Variants in CPE observed in about 807,000 individuals in gnomAD.
CPE encodes carboxypeptidase E.
Under a neutral mutation model 53.5 loss-of-function variants are expected in CPE, and 17 were observed. That is an observed-to-expected ratio of 0.32 (90% confidence interval 0.22 to 0.48). The LOEUF (loss-of-function observed/expected upper bound fraction) is 0.48. CPE is among the 20% of genes least tolerant of loss of function. CPE has a pLI of 0.99. For synonymous variants in CPE, 226 were observed against 228.8 expected (o/e 0.99, Z 0.11); for missense variants, 524 against 614.7 (o/e 0.85, Z 1.56).
chr4:165,425,145 T>C (rs1439099759), intron 1 of CPE, among the ~76,000 whole-genome samples: 1 of 152,122 alleles, frequency 6.6e-6, no homozygotes, highest in Non-Finnish European at 1.5e-5. Flanking sequence ...CCCAAAGTGC[T>C]GAGATTACCA....
intron 3 of CPE, among the ~76,000 whole-genome samples, chr4:165,479,991 CAA>C (rs80059796): frequency 3.6e-4 from 23 of 63,774 alleles, no homozygotes; most frequent in African/African-American, 7.6e-4. Context: ...GACTCCGCCT[CAA>C]AAAAAAAAAA....
intron 1 of CPE, among the ~76,000 whole-genome samples, chr4:165,418,679 T>C (rs751158188): frequency 4.6e-5 from 7 of 152,190 alleles, no homozygotes; most frequent in Non-Finnish European, 1.0e-4. Context: ...TCTTTCCACA[T>C]TTTTGATGTA....
intron 1 of CPE, among the ~76,000 whole-genome samples, chr4:165,403,782 A>C (rs1318761169): frequency 6.6e-6 from 1 of 151,880 alleles, no homozygotes; most frequent in African/African-American, 2.4e-5. Context: ...ACAGGCAAAG[A>C]GATGGCTCCA....
At chr4:165,404,546 C>A in intron 1 of CPE, 1 of 898,054 alleles carries the variant, frequency 1.1e-6, no homozygotes, top group Non-Finnish European at 1.9e-6. Flanking sequence ...AAAGGCTTTG[C>A]CCAGATCTTT....
intron 1 of CPE, among the ~76,000 whole-genome samples, chr4:165,422,098 A>G (rs938771239): frequency 2.0e-5 from 3 of 152,170 alleles, no homozygotes; most frequent in Non-Finnish European, 2.9e-5. Context: ...AGTTTATTCA[A>G]TGATTAAAAG....
chr4:165,486,373 T>C (rs1732505320), intron 5 of CPE, among the ~76,000 whole-genome samples: 1 of 152,200 alleles, frequency 6.6e-6, no homozygotes, highest in Non-Finnish European at 1.5e-5. Context: ...TTTGGTGCTA[T>C]TTGAAGTATT....
chr4:165,437,438 G>T (rs997610909), intron 1 of CPE, among the ~76,000 whole-genome samples: 3 of 152,096 alleles, frequency 2.0e-5, no homozygotes, highest in Non-Finnish European at 4.4e-5. Context: ...CTGCAACTGA[G>T]TTTCTTGTTG....
Position 165,437,904 on chromosome 4 carries a change from C to T in CPE, c.308-26486C>T, listed in dbSNP as rs375089114. ...AGAGGAGACAGAGCATGGTGTGTGA[C>T]GAGCTGCTGATAATTTAACATTGCT... On this transcript the variant is annotated intron_variant, in intron 1 of 8. Transcript: ENST00000402744. 5.9e-5 allele frequency among the ~76,000 whole-genome samples: 9 copies of T among 152,152 alleles called. No individual in the cohort carries two copies. The East Asian group carries it at 1.2e-3, about 20-fold the overall frequency.
At chr4:165,441,952 T>C (rs76909285) in intron 1 of CPE, among the ~76,000 whole-genome samples, 6,042 of 152,104 alleles carry the variant, frequency 0.04, 388 homozygotes, top group African/African-American at 0.13. Context: ...TTTAAATAAC[T>C]TTTTGGGTTT....
chr4:165,461,182 A>AAGAAAG lies in CPE; in HGVS notation c.308-3207_308-3206insGAAAGA, dbSNP rs1560889028. Among the ~76,000 whole-genome samples the AAGAAAG allele has an allele frequency of 1.7e-4, 12 of 69,264 alleles. 1 individual carries two copies. The Middle Eastern group carries it at 0.019, about 107-fold the overall frequency. 45.4% of individuals were successfully genotyped at this position (69,264 alleles called of 152,430 possible). A position where few individuals can be genotyped will look rare whatever the true frequency, so the allele number is the denominator to read the frequency against. On this transcript the variant is annotated intron_variant, in intron 1 of 8. Transcript: ENST00000402744. Reference sequence around the variant, plus strand: ...CCTCTGCCTCAAAAAAAAAAAAAAAAAAAAAGAAAGAAAGAAAAGAAAAGA... The same window carrying AAGAAAG: ...CCTCTGCCTCAAAAAAAAAAAAAAAAAGAAAGAAAAAGAAAGAAAGAAAAGAAAAGA...
chr4:165,475,164 TC>T (rs1443577877), intron 3 of CPE, among the ~76,000 whole-genome samples: 1 of 152,168 alleles, frequency 6.6e-6, no homozygotes, highest in Non-Finnish European at 1.5e-5. Flanking sequence ...GGAAGAATTT[TC>T]CCTCCTTTCA....
At chr4:165,413,851 T>C (rs989641852) in intron 1 of CPE, among the ~76,000 whole-genome samples, 11 of 152,192 alleles carry the variant, frequency 7.2e-5, no homozygotes, top group African/African-American at 2.7e-4. Flanking sequence ...TTTATCTTTC[T>C]GGAAATGTTT....
intron 1 of CPE, among the ~76,000 whole-genome samples, chr4:165,419,965 CT>C (rs1731180982): frequency 6.6e-6 from 1 of 152,012 alleles, no homozygotes; most frequent in Non-Finnish European, 1.5e-5. Flanking sequence ...TTTAGAATGC[CT>C]TTTTTTCAAA....
At chr4:165,404,960 A>G (rs1336956060) in intron 1 of CPE, 2 of 757,962 alleles carry the variant, frequency 2.6e-6, no homozygotes, top group East Asian at 2.5e-5. Flanking sequence ...GTGATCTGGA[A>G]TCACTGCTTC....
chr4:165,495,179 A>C lies in CPE; in HGVS notation c.1214-380A>C, dbSNP rs188576437. 2.6e-5 allele frequency among the ~76,000 whole-genome samples: 4 copies of C among 152,314 alleles called. No individual in the cohort carries two copies. The East Asian group carries it at 7.7e-4, about 29-fold the overall frequency. On this transcript the variant is annotated intron_variant, in intron 7 of 8. Transcript: ENST00000402744. ...TACCTTTGGCCCACACTCTGTGAAG[A>C]TTCTCTGACCAGCAGGTCTTCACCT...
intron 1 of CPE, among the ~76,000 whole-genome samples, chr4:165,432,014 A>G (rs1229121616): frequency 6.6e-6 from 1 of 152,064 alleles, no homozygotes; most frequent in African/African-American, 2.4e-5. Flanking sequence ...ACCCACCACC[A>G]AATGAAACAA....
At position 165,450,488 on chromosome 4, in the gene CPE, G is replaced by A. The variant is rs180837550; in HGVS notation, c.308-13902G>A. On this transcript the variant is annotated intron_variant, in intron 1 of 8. Transcript: ENST00000402744. ...AAAAATCTTGAAAGTACTTTAGTGA[G>A]AGAACCATAAACAAAATATGATAGT... Among the ~76,000 whole-genome samples, 510 of 152,266 alleles carry A rather than the reference G, an allele frequency of 3.3e-3. 4 individuals are homozygous for A. The highest frequency in any genetic ancestry group is 2.7e-3 in the Non-Finnish European group (181 of 68,020).
chr4:165,457,231 A>G (rs967868075), intron 1 of CPE, among the ~76,000 whole-genome samples: 46 of 152,148 alleles, frequency 3.0e-4, no homozygotes, highest in Admixed American at 2.9e-3. Context: ...GAAATTTGTG[A>G]GCCAAGTGAC....
rs757263530 is a variant in CPE, at chr4:165,484,437, A to G, written c.806A>G (p.Tyr269Cys). 3.1e-6 allele frequency: 5 copies of G among 1,613,804 alleles called. No individual in the cohort carries two copies. In the South Asian group the frequency reaches 3.3e-5, roughly 11 times the overall value. ...TGTTTTCTAGGTAGTGCTCACGAATACAGCTCCTCCCCAGATGACGCCATT... is the reference window on the plus strand; with the variant it reads ...TGTTTTCTAGGTAGTGCTCACGAATGCAGCTCCTCCCCAGATGACGCCATT... ...DETRSGSAHE[Y>C]SSSPDDAIFQ... is the part of the protein sequence containing the mutation. Residue 269 changes from tyrosine (Y) to cysteine (C), a missense_variant, in exon 5 of 9, where the codon TAC (tyrosine) becomes TGC (cysteine). By Grantham distance (194) the Tyr-to-Cys change is radical (BLOSUM62 -2). Transcript: ENST00000402744.
Sources: gnomAD v4.1 joint callset for allele counts (sites outside exome capture counted in the v4.1 genomes callset) on GRCh38, gnomAD v4.1.1 for gene constraint, MANE v1.5 for transcripts, NCBI Gene and HGNC (gene_info 2026-07-23, HGNC 2026-07-21) for gene names.